Variants in ANXA4 observed in about 807,000 individuals in gnomAD.
ANXA4 encodes 35-beta calcimedin.
A neutral mutation model predicts 49.8 loss-of-function variants in ANXA4; 39 were observed. The ratio of observed to expected loss-of-function variants is 0.78; its 90% CI spans 0.61 to 1.02. The LOEUF (loss-of-function observed/expected upper bound fraction) is 1.02. Ranked by LOEUF, ANXA4 falls within the 50% of genes least tolerant of loss-of-function variation. The pLI is 0.00. For synonymous variants in ANXA4, 134 were observed against 152.5 expected, an observed-to-expected ratio of 0.88 and a Z score of 0.89; for missense variants, 360 against 410.1, an observed-to-expected ratio of 0.88 and a Z score of 1.05.
At chr2:69,699,666 A>T (rs1678268650) in intron 2 of ANXA4, among the ~76,000 whole-genome samples, 1 of 152,116 alleles carries the variant, frequency 6.6e-6, no homozygotes, top group Admixed American at 6.6e-5. Context: ...AAAACAAGAA[A>T]CAAACAACAA....
intron 12 of ANXA4, among the ~76,000 whole-genome samples, chr2:69,822,580 G>A (rs1421919958): frequency 6.6e-6 from 1 of 152,038 alleles, no homozygotes; most frequent in Non-Finnish European, 1.5e-5. Context: ...ATATTCAATG[G>A]TACGCTGTCA....
chr2:69,656,193 A>G lies in ANXA4; in HGVS notation n.766+2911A>G, dbSNP rs974323286. Among the ~76,000 whole-genome samples, 8 of 135,682 alleles carry G rather than the reference A, an allele frequency of 5.9e-5. 1 individual carries two copies. Among genetic ancestry groups the G allele is most frequent in the African/African-American group, 1.5e-4 (5 of 33,562 alleles). The allele number at this position is 135,682 out of a possible 152,430, so 89.0% of individuals were successfully genotyped here. ...GTATAATTAAAATATATATACGTATATATATATATATACACACACATATAT... is the reference window on the plus strand; with the variant it reads ...GTATAATTAAAATATATATACGTATGTATATATATATACACACACATATAT... On this transcript the variant is annotated intron_variant and non_coding_transcript_variant, in intron 2 of 3. Coordinates refer to the ANXA4 transcript ENST00000418066.
chr2:69,758,204 G>A (rs532156637), intron 1 of ANXA4, among the ~76,000 whole-genome samples: 1 of 152,252 alleles, frequency 6.6e-6, no homozygotes, highest in African/African-American at 2.4e-5. Flanking sequence ...GTAGAGACAG[G>A]GTTTCACCAT....
Position 69,742,151 on chromosome 2 carries a change from AGAG to A in ANXA4, c.-64_-62del. The A allele has an allele frequency of 6.6e-6, 1 of 151,942 alleles. No individual in the cohort carries two copies. Among genetic ancestry groups the A allele is most frequent in the South Asian group, 2.1e-4 (1 of 4,808 alleles). 9.4% of individuals were successfully genotyped at this position (151,942 alleles called of 1,614,324 possible). ...AGTAGGGTGTGACCTCCGCAGCCGC[AGAG>A]GAGGAGCGCAGCCCGGCCTCGGTAC... is the stretch of plus-strand genomic sequence containing the variant. On this transcript the variant is annotated 5_prime_UTR_variant, in exon 1 of 13. Transcript: ENST00000394295.
chr2:69,658,110 A>G (rs1163758448), intron 2 of ANXA4, among the ~76,000 whole-genome samples: 2 of 152,102 alleles, frequency 1.3e-5, no homozygotes, highest in African/African-American at 4.8e-5. Flanking sequence ...AAAGCAAAAA[A>G]AAATAGGCGG....
chr2:69,644,559 G>A (rs1038639342), exon 1 of ANXA4: 1 of 152,220 alleles, frequency 6.6e-6, no homozygotes, highest in Non-Finnish European at 1.5e-5. Context: ...GTCTCGTCTG[G>A]AAATGTACAG....
intron 3 of ANXA4, among the ~76,000 whole-genome samples, chr2:69,801,243 G>A (rs1042541739): frequency 5.3e-5 from 8 of 152,148 alleles, no homozygotes; most frequent in Non-Finnish European, 1.0e-4. Context: ...TTGGTACAGC[G>A]GCCAGCATTC....
chr2:69,791,927 A>G (rs992877059), intron 3 of ANXA4, among the ~76,000 whole-genome samples: 5 of 152,246 alleles, frequency 3.3e-5, no homozygotes, highest in African/African-American at 1.2e-4. Flanking sequence ...GTAATAGCAC[A>G]TATTCAGACA....
At chr2:69,814,050 G>A (rs900434048) in intron 8 of ANXA4, among the ~76,000 whole-genome samples, 1 of 151,968 alleles carries the variant, frequency 6.6e-6, no homozygotes, top group East Asian at 1.9e-4. Flanking sequence ...GAGCCACCGC[G>A]CCTGACCATA....
chr2:69,662,290 A>G (rs2704445), intron 2 of ANXA4, among the ~76,000 whole-genome samples: 1 of 152,094 alleles, frequency 6.6e-6, no homozygotes, highest in Non-Finnish European at 1.5e-5. Flanking sequence ...TCCAGAAAGG[A>G]TACTCCAAGA....
At chr2:69,767,622 G>C (rs1671545535) in intron 1 of ANXA4, among the ~76,000 whole-genome samples, 1 of 152,154 alleles carries the variant, frequency 6.6e-6, no homozygotes, top group African/African-American at 2.4e-5. Flanking sequence ...GAGCGTGTGG[G>C]GATTAGAAAT....
intron 1 of ANXA4, among the ~76,000 whole-genome samples, chr2:69,744,021 C>T (rs1419453049): frequency 1.3e-5 from 2 of 152,088 alleles, no homozygotes; most frequent in Non-Finnish European, 2.9e-5. Flanking sequence ...TGCTTTTCTC[C>T]AAGGGAGATA....
chr2:69,748,221 C>CA (rs1011265852), intron 1 of ANXA4, among the ~76,000 whole-genome samples: 1 of 151,110 alleles, frequency 6.6e-6, no homozygotes, highest in Non-Finnish European at 1.5e-5. Context: ...TAAAAAAATA[C>CA]AAAAAAAATT....
At chr2:69,663,996 C>A (rs531952004) in intron 2 of ANXA4, among the ~76,000 whole-genome samples, 1 of 152,264 alleles carries the variant, frequency 6.6e-6, no homozygotes, top group South Asian at 2.1e-4. Context: ...CACACCAGGG[C>A]ACGTTGTGAT....
At chr2:69,818,715 G>C in intron 10 of ANXA4, 21 bp downstream of exon 10, 4 of 1,489,244 alleles carry the variant, frequency 2.7e-6, no homozygotes, top group Non-Finnish European at 3.7e-6. Flanking sequence ...AGGGGGAGTA[G>C]AGAAACAAAT....
chr2:69,684,273 A>C (rs527498263), intron 2 of ANXA4, among the ~76,000 whole-genome samples: 2 of 152,222 alleles, frequency 1.3e-5, no homozygotes, highest in African/African-American at 4.8e-5. Context: ...ATCTCTTATC[A>C]AATATCTATC....
chr2:69,816,248 A>G, intron 9 of ANXA4, 54 bp downstream of exon 9: 1 of 1,457,870 alleles, frequency 6.9e-7, no homozygotes, highest in Non-Finnish European at 9.6e-7. Context: ...AGCAAAAACT[A>G]TATTGCCCAT....
chr2:69,648,980 G>C (rs532365614), intron 1 of ANXA4, among the ~76,000 whole-genome samples: 2 of 146,728 alleles, frequency 1.4e-5, no homozygotes, highest in African/African-American at 5.0e-5. Context: ...CCGCCTCCCA[G>C]GTTCAAGCGA....
chr2:69,682,093 C>A (rs1677619098), intron 2 of ANXA4, among the ~76,000 whole-genome samples: 1 of 152,144 alleles, frequency 6.6e-6, no homozygotes, highest in African/African-American at 2.4e-5. Flanking sequence ...CTCAAGCCAT[C>A]CTCCTGATTC....
Sources: allele counts gnomAD v4.1 joint callset (sites outside exome capture counted in the v4.1 genomes callset), GRCh38; gene constraint gnomAD v4.1.1; transcripts MANE v1.5; gene names NCBI Gene and HGNC (gene_info 2026-07-23, HGNC 2026-07-21).